KCNH5: variants seen among roughly 807,000 people sequenced by gnomAD.
KCNH5 encodes the protein voltage-gated delayed rectifier potassium channel KCNH5.
A neutral mutation model predicts 96.1 loss-of-function variants in KCNH5; 46 were observed. That is an observed-to-expected ratio of 0.48 (90% confidence interval 0.38 to 0.61). KCNH5 has a LOEUF of 0.61. KCNH5 is among the 20% of genes least tolerant of loss of function. The probability of loss-of-function intolerance (pLI) is 0.00; values close to 1 mark genes in which losing one functional copy is unlikely to be tolerated. For synonymous variants in KCNH5, 439 were observed against 449.8 expected (o/e 0.98, Z 0.30); for missense variants, 907 against 1,225.8 (o/e 0.74, Z 3.88).
intron 8 of KCNH5, among the ~76,000 whole-genome samples, chr14:62,814,166 A>G (rs1303654618): frequency 1.3e-5 from 2 of 152,234 alleles, no homozygotes; most frequent in African/African-American, 4.8e-5. Context: ...TTCATATATA[A>G]AAATGAGACC....
intron 8 of KCNH5, among the ~76,000 whole-genome samples, chr14:62,805,036 T>C (rs1886737700): frequency 6.6e-6 from 1 of 152,276 alleles, no homozygotes; most frequent in African/African-American, 2.4e-5. Context: ...AGGTTAATAT[T>C]TTTTTCCCAG....
At chr14:62,935,860 G>C (rs1889670297) in intron 7 of KCNH5, among the ~76,000 whole-genome samples, 1 of 152,132 alleles carries the variant, frequency 6.6e-6, no homozygotes, top group Non-Finnish European at 1.5e-5. Context: ...AAATATCTGA[G>C]AGTCGGCTGG....
In KCNH5 at chr14:62,909,032, ATTTTTTTTTTTT is replaced by A. The variant is rs58920666; in HGVS notation, c.1369+41089_1369+41100del. Among the ~76,000 whole-genome samples the A allele has an allele frequency of 8.8e-4, 51 of 57,926 alleles. 1 individual carries two copies. The highest frequency in any genetic ancestry group is 0.015 in the Middle Eastern group (1 of 68). 38.0% of individuals were successfully genotyped at this position (57,926 alleles called of 152,430 possible). On this transcript the variant is annotated intron_variant, in intron 7 of 10. Transcript: ENST00000322893. ...AAACATAGAAAACACTATGCTACGT[ATTTTTTTTTTTT>A]TTTTTTTTTTTTTTTTTTTGAGACG... is the stretch of plus-strand genomic sequence containing the variant.
chr14:62,917,272 C>T (rs1889293180), intron 7 of KCNH5, among the ~76,000 whole-genome samples: 1 of 151,598 alleles, frequency 6.6e-6, no homozygotes, highest in African/African-American at 2.4e-5. Context: ...TATTTCATTG[C>T]AAGACCTGAA....
In KCNH5 at chr14:62,708,323, C is replaced by T; in HGVS notation, c.2152G>A (p.Glu718Lys). The T allele has an allele frequency of 6.2e-7, 1 of 1,614,146 alleles. No individual in the cohort carries two copies. Among genetic ancestry groups the T allele is most frequent in the Non-Finnish European group, 8.5e-7 (1 of 1,180,038 alleles). Reference sequence around the variant, plus strand: ...TGTGTTGAGCCCTGATTCCGCAGCTCCTTCTGCTGCTTGAACTTCTGGAAG... The same window carrying T: ...TGTGTTGAGCCCTGATTCCGCAGCTTCTTCTGCTGCTTGAACTTCTGGAAG... Reference protein sequence around the residue: ...KLFQKFKQQKELRNQGSTQGD... With the variant: ...KLFQKFKQQKKLRNQGSTQGD... The change falls in exon 11 of 11, where the codon GAG becomes AAG. Residue 718 changes from glutamate (E) to lysine (K), a missense_variant. By Grantham distance (56) the Glu-to-Lys change is moderately conservative (BLOSUM62 1). This residue lies in a region of KCNH5 where 362 missense variants were observed against 394.4 expected (regional missense o/e 0.92). Coordinates refer to ENST00000322893, the MANE Select transcript of KCNH5 (RefSeq NM_139318.5).
At chr14:62,997,398 A>T (rs1890925648) in intron 4 of KCNH5, among the ~76,000 whole-genome samples, 1 of 152,192 alleles carries the variant, frequency 6.6e-6, no homozygotes, top group Non-Finnish European at 1.5e-5. Flanking sequence ...TTCAAACTTT[A>T]CTGAGAGTTT....
At position 62,705,738 on chromosome 14, in the gene KCNH5, G is replaced by C. The variant is rs1884417597; in HGVS notation, c.*1770C>G. On this transcript the variant is annotated 3_prime_UTR_variant, in exon 11 of 11. Coordinates refer to ENST00000322893, the MANE Select transcript of KCNH5 (RefSeq NM_139318.5). ...TAAATCACTGTTTTGCACTTCTCAAGTCTGAATGTGATAACATGTCTTTCA... is the reference window on the plus strand; with the variant it reads ...TAAATCACTGTTTTGCACTTCTCAACTCTGAATGTGATAACATGTCTTTCA... 6.6e-6 allele frequency: 1 copy of C among 152,064 alleles called. No homozygotes were observed. The highest frequency in any genetic ancestry group is 2.4e-5 in the African/African-American group (1 of 41,442). The allele number at this position is 152,064 out of a possible 1,614,324, so 9.4% of individuals were successfully genotyped here.
chr14:62,829,903 A>G (rs952630951), intron 8 of KCNH5, among the ~76,000 whole-genome samples: 3 of 152,186 alleles, frequency 2.0e-5, no homozygotes, highest in Non-Finnish European at 4.4e-5. Flanking sequence ...ACTTTTAAAC[A>G]TAAGTTTCAA....
chr14:62,759,741 T>A (rs942501691), intron 10 of KCNH5, among the ~76,000 whole-genome samples: 12 of 152,070 alleles, frequency 7.9e-5, no homozygotes, highest in African/African-American at 2.9e-4. Flanking sequence ...AAAAGAGCCC[T>A]TTAAGGGAGC....
intron 8 of KCNH5, among the ~76,000 whole-genome samples, chr14:62,824,612 C>G (rs78931553): frequency 6.6e-6 from 1 of 151,908 alleles, no homozygotes; most frequent in Non-Finnish European, 1.5e-5. Flanking sequence ...ATGATTATTA[C>G]TTTATTCTTT....
At chr14:62,771,923 A>G (rs182361509) in intron 10 of KCNH5, among the ~76,000 whole-genome samples, 22 of 152,318 alleles carry the variant, frequency 1.4e-4, no homozygotes, top group Non-Finnish European at 2.8e-4. Flanking sequence ...GTTTATACCC[A>G]CCGATATAAC....
rs546676632 is a variant in KCNH5, at chr14:62,880,067, T to G, written c.1370-30215A>C. 1.9e-3 allele frequency among the ~76,000 whole-genome samples: 283 copies of G among 152,316 alleles called. 2 individuals carry two copies. The highest frequency in any genetic ancestry group is 6.7e-3 in the African/African-American group (279 of 41,584). On this transcript the variant is annotated intron_variant, in intron 7 of 10. Transcript: ENST00000322893. ...AATTTTTTGTATTAGAAATGTATTA[T>G]TACATTCAGTGAAGTTTTGGATGGT...
chr14:62,991,456 G>T (rs1890806632), intron 4 of KCNH5, among the ~76,000 whole-genome samples: 1 of 151,962 alleles, frequency 6.6e-6, no homozygotes, highest in Non-Finnish European at 1.5e-5. Flanking sequence ...AGACGGACCA[G>T]AAGAGAGAAA....
intron 6 of KCNH5, among the ~76,000 whole-genome samples, chr14:62,963,569 T>C (rs1374729788): frequency 1.4e-5 from 2 of 144,426 alleles, no homozygotes; most frequent in Non-Finnish European, 3.1e-5. Flanking sequence ...AGATGAGATG[T>C]TCCAGATCAA....
intron 7 of KCNH5, among the ~76,000 whole-genome samples, chr14:62,859,377 G>C (rs1433923516): frequency 1.3e-5 from 2 of 152,252 alleles, no homozygotes; most frequent in East Asian, 3.9e-4. Context: ...TTTGTTCATG[G>C]GCGATGACGG....
At chr14:62,977,582 A>G (rs1009194979) in intron 6 of KCNH5, among the ~76,000 whole-genome samples, 1 of 152,164 alleles carries the variant, frequency 6.6e-6, no homozygotes, top group Non-Finnish European at 1.5e-5. Context: ...GTTTGGTGAC[A>G]TGGAAGCAAA....
intron 6 of KCNH5, among the ~76,000 whole-genome samples, chr14:62,976,218 G>A (rs1351280354): frequency 1.3e-5 from 2 of 151,822 alleles, no homozygotes; most frequent in African/African-American, 2.4e-5. Context: ...GGCTAACATG[G>A]TGAAACCCTG....
intron 4 of KCNH5, among the ~76,000 whole-genome samples, chr14:62,999,796 T>C (rs1280768073): frequency 6.7e-6 from 1 of 148,174 alleles, no homozygotes; most frequent in African/African-American, 2.5e-5. Context: ...CACACCAGAA[T>C]GGCACATGTA....
At chr14:62,980,481 T>C (rs1890585093) in intron 6 of KCNH5, among the ~76,000 whole-genome samples, 1 of 152,230 alleles carries the variant, frequency 6.6e-6, no homozygotes. Flanking sequence ...ATCTATTTAT[T>C]AGGTTGTTAT....
Sources: gnomAD v4.1 joint callset for allele counts (sites outside exome capture counted in the v4.1 genomes callset) on GRCh38, gnomAD v4.1.1 for gene constraint, gnomAD v4.1.1 regional missense constraint, MANE v1.5 for transcripts, NCBI Gene and HGNC (gene_info 2026-07-23, HGNC 2026-07-21) for gene names.